Variants in DOCK8 observed in about 807,000 individuals in gnomAD.
DOCK8 encodes the protein dedicator of cytokinesis 8.
A neutral mutation model predicts 245.6 loss-of-function variants in DOCK8; 141 were observed. That is an observed-to-expected ratio of 0.57 (90% CI 0.50 to 0.66). DOCK8 has a LOEUF of 0.66. DOCK8 is among the 30% of genes least tolerant of loss of function. The pLI is 0.00. For missense variants in DOCK8, 2,965 were observed against 2,603.4 expected, an observed-to-expected ratio of 1.14 and a Z score of -3.02; for synonymous variants, 1,168 against 970.2, an observed-to-expected ratio of 1.20 and a Z score of -3.79.
At position 428,248 on chromosome 9, in the gene DOCK8, C is replaced by CT. The variant is rs534903170; in HGVS notation, c.4339-112dup. On this transcript the variant is annotated intron_variant, in intron 34 of 47. Transcript: ENST00000432829. ...GATACCCATGGTGGCTCACCAAACT[C>CT]TTAAGACTCACCACTGGACATGGAA... is the stretch of plus-strand genomic sequence containing the variant. The CT allele has an allele frequency of 2.9e-4, 453 of 1,556,464 alleles. 2 individuals are homozygous for CT. In the African/African-American group the frequency reaches 5.6e-3, roughly 19 times the overall value.
chr9:439,369 C>T lies in DOCK8; in HGVS notation c.5204C>T (p.Ala1735Val). 6.2e-7 allele frequency: 1 copy of T among 1,613,624 alleles called. No homozygotes were observed. The change falls in exon 40 of 48, where the codon GCC (alanine) becomes GTC (valine). Residue 1735 changes from alanine (A) to valine (V), a missense_variant. Physicochemically the swap from Ala to Val is moderately conservative, Grantham distance 64. Coordinates refer to ENST00000432829, the MANE Select transcript of DOCK8 (RefSeq NM_203447.4). ...GGCCTGGTAGGCCTCCTGGAGCAGG[C>T]CGCGGAGCTCTTCAGCACGGTCAGT... Reference protein sequence around the residue: ...ESGLVGLLEQAAELFSTGGLY... With the variant: ...ESGLVGLLEQVAELFSTGGLY...
intron 11 of DOCK8, 60 bp downstream of exon 11, chr9:334,444 A>G: frequency 6.4e-7 from 1 of 1,571,388 alleles, no homozygotes; most frequent in Non-Finnish European, 8.7e-7. Context: ...GCCCAGGTCC[A>G]CAGCTTACTA....
chr9:368,831 T>C (rs1171124873), intron 15 of DOCK8: 1 of 148,262 alleles, frequency 6.7e-6, no homozygotes, highest in African/African-American at 2.4e-5. Context: ...TTTTTTTTTT[T>C]TTTTTTTGAG....
chr9:340,587 C>T (rs1005633600), intron 14 of DOCK8: 6 of 379,694 alleles, frequency 1.6e-5, no homozygotes, highest in Admixed American at 3.8e-5. Flanking sequence ...CACTACTGCA[C>T]TCCAGCCTGG....
chr9:371,596 C>T (rs773988894), intron 17 of DOCK8, 30 bp downstream of exon 17: 1 of 1,613,944 alleles, frequency 6.2e-7, no homozygotes, highest in Admixed American at 1.7e-5. Context: ...CTGACTCACA[C>T]TGCAGTTGTT....
intron 39 of DOCK8, among the ~76,000 whole-genome samples, chr9:436,669 A>G (rs2056914818): frequency 6.6e-6 from 1 of 152,250 alleles, no homozygotes; most frequent in Non-Finnish European, 1.5e-5. Context: ...AAAGTGAATC[A>G]TTATTACACA....
At chr9:401,646 G>A (rs2055108818) in intron 26 of DOCK8, among the ~76,000 whole-genome samples, 1 of 152,118 alleles carries the variant, frequency 6.6e-6, no homozygotes, top group Admixed American at 6.5e-5. Context: ...TAAAATTTGA[G>A]TTAGGTATGA....
At position 350,116 on chromosome 9, in the gene DOCK8, A is replaced by G. The variant is rs114333081; in HGVS notation, c.1679+9795A>G. Among the ~76,000 whole-genome samples the G allele has an allele frequency of 7.9e-3, 1,205 of 151,698 alleles. 18 individuals are homozygous for G. Among genetic ancestry groups the G allele is most frequent in the African/African-American group, 0.027 (1,132 of 41,348 alleles). ...TTCTGTTTTCTCATGCCCTTCTTTC[A>G]TTTTCTTCTTTTAAGAGACAGGATC... On this transcript the variant is annotated intron_variant, in intron 14 of 47. Coordinates refer to ENST00000432829, the MANE Select transcript of DOCK8 (RefSeq NM_203447.4).
rs1184239656 is a variant in DOCK8 at position 368,899 on chromosome 9, C to A, written c.1797+764C>A. 2.0e-5 allele frequency: 3 copies of A among 148,716 alleles called. No individual in the cohort carries two copies. In the Admixed American group the frequency reaches 2.0e-4, roughly 10 times the overall value. The allele number at this position is 148,716 out of a possible 1,614,324, so 9.2% of individuals were successfully genotyped here. ...TACAATGGCCGCAACCTCCACCTCCCAAGTTCAAGTGATTCTCCTGCCTCA... is the reference window on the plus strand; with the variant it reads ...TACAATGGCCGCAACCTCCACCTCCAAAGTTCAAGTGATTCTCCTGCCTCA... On this transcript the variant is annotated intron_variant, in intron 15 of 47. Transcript: ENST00000432829.
chr9:373,319 A>C (rs1350585631), intron 18 of DOCK8, among the ~76,000 whole-genome samples: 1 of 152,202 alleles, frequency 6.6e-6, no homozygotes, highest in Non-Finnish European at 1.5e-5. Context: ...ATCATATTTC[A>C]TTTTAGTCTG....
At chr9:317,312 T>G (rs2050389741) in intron 7 of DOCK8, among the ~76,000 whole-genome samples, 184 bp downstream of exon 7, 2 of 152,144 alleles carry the variant, frequency 1.3e-5, no homozygotes, top group Admixed American at 6.5e-5. Context: ...TTCTACCAAC[T>G]TCTTGATGGT....
chr9:260,143 G>C (rs1399720654), intron 1 of DOCK8, among the ~76,000 whole-genome samples: 3 of 152,214 alleles, frequency 2.0e-5, no homozygotes, highest in Non-Finnish European at 1.5e-5. Flanking sequence ...CTGCAACTGG[G>C]ACTTTGTTTC....
chr9:325,829 C>T (rs1483450914), intron 8 of DOCK8, 92 bp downstream of exon 8: 9 of 1,222,422 alleles, frequency 7.4e-6, no homozygotes, highest in Middle Eastern at 1.9e-4. Context: ...CAGCAAGAAC[C>T]TATCAGATTT....
chr9:446,658 C>T, intron 44 of DOCK8, 52 bp downstream of exon 44: 4 of 1,512,828 alleles, frequency 2.6e-6, no homozygotes, highest in Non-Finnish European at 3.7e-6. Flanking sequence ...TGGGTGGCCT[C>T]CCAGGAGGAC....
intron 9 of DOCK8, 110 bp downstream of exon 9, chr9:328,281 G>T (rs1379765073): frequency 7.3e-7 from 1 of 1,365,992 alleles, no homozygotes; most frequent in African/African-American, 1.4e-5. Context: ...TATCCTCTGA[G>T]ATTCACTTTG....
At chr9:265,660 C>T (rs2048020117) in intron 1 of DOCK8, among the ~76,000 whole-genome samples, 1 of 152,158 alleles carries the variant, frequency 6.6e-6, no homozygotes, top group Non-Finnish European at 1.5e-5. Flanking sequence ...GCCATTTTGG[C>T]TGCCGGCCAT....
At chr9:302,796 G>A (rs1305997624) in intron 4 of DOCK8, among the ~76,000 whole-genome samples, 1 of 152,080 alleles carries the variant, frequency 6.6e-6, no homozygotes, top group Non-Finnish European at 1.5e-5. Flanking sequence ...ACCACAGTGT[G>A]ATACCAACTC....
In DOCK8 at chr9:262,025, AAGAAAG is replaced by A. The variant is rs1472649017; in HGVS notation, c.54-9600_54-9595del. Among the ~76,000 whole-genome samples the A allele has an allele frequency of 2.3e-3, 344 of 150,558 alleles. 3 individuals carry two copies. The highest frequency in any genetic ancestry group is 7.8e-3 in the African/African-American group (316 of 40,674). On this transcript the variant is annotated intron_variant, in intron 1 of 47. Transcript: ENST00000432829. Reference sequence around the variant, plus strand: ...AAAGAAAGAAAGAAAGAAAGAAAGAAAGAAAGAAAGACACCGCGATTTACCTATGTT... The same window carrying A: ...AAAGAAAGAAAGAAAGAAAGAAAGAAAAAGACACCGCGATTTACCTATGTT...
intron 26 of DOCK8, among the ~76,000 whole-genome samples, chr9:403,935 T>TATAC (rs2055267088): frequency 1.1e-4 from 9 of 85,498 alleles, no homozygotes; most frequent in African/African-American, 5.9e-4. Flanking sequence ...TATATGTGTA[T>TATAC]ATATATATGT....
Sources: gnomAD v4.1 joint callset for allele counts (sites outside exome capture counted in the v4.1 genomes callset) on GRCh38, gnomAD v4.1.1 for gene constraint, MANE v1.5 for transcripts, NCBI Gene and HGNC (gene_info 2026-07-23, HGNC 2026-07-21) for gene names.